Variants in COP1 observed in about 807,000 individuals in gnomAD.
The protein encoded by COP1 is E3 ubiquitin-protein ligase COP1.
Under a neutral mutation model 101.3 loss-of-function variants are expected in COP1, and 24 were observed. That is an observed-to-expected ratio of 0.24 (90% CI 0.17 to 0.33). The LOEUF (loss-of-function observed/expected upper bound fraction) is 0.33. Ranked by LOEUF, COP1 falls within the 10% of genes least tolerant of loss-of-function variation. The probability of loss-of-function intolerance (pLI) is 1.00; values close to 1 mark genes in which losing one functional copy is unlikely to be tolerated. For missense variants in COP1, 663 were observed against 906.2 expected, an observed-to-expected ratio of 0.73 and a Z score of 3.45; for synonymous variants, 347 against 341.9, an observed-to-expected ratio of 1.01 and a Z score of -0.17.
chr1:175,952,916 CAATA>C, intron 18 of COP1, among the ~76,000 whole-genome samples: 1 of 152,112 alleles, frequency 6.6e-6, no homozygotes, highest in African/African-American at 2.4e-5. Flanking sequence ...GACTCTGTCT[CAATA>C]AATAAATAAG....
At chr1:176,138,057 G>A (rs1690083903) in intron 6 of COP1, among the ~76,000 whole-genome samples, 1 of 152,060 alleles carries the variant, frequency 6.6e-6, no homozygotes, top group African/African-American at 2.4e-5. Flanking sequence ...AAGAGGACTA[G>A]ATAACTAAAA....
intron 10 of COP1, among the ~76,000 whole-genome samples, chr1:176,084,531 G>C (rs1679764787): frequency 6.6e-6 from 1 of 152,066 alleles, no homozygotes; most frequent in Admixed American, 6.6e-5. Context: ...CCAAAAAAGA[G>C]CCCACATTGC....
chr1:176,040,568 C>T (rs961782046), intron 14 of COP1, among the ~76,000 whole-genome samples: 2 of 152,100 alleles, frequency 1.3e-5, no homozygotes, highest in African/African-American at 4.8e-5. Flanking sequence ...CCTCAGCCTC[C>T]AAAATTGCTG....
chr1:176,059,385 T>C (rs1674442790), intron 11 of COP1, among the ~76,000 whole-genome samples: 2 of 152,240 alleles, frequency 1.3e-5, no homozygotes. Flanking sequence ...TATTTACAAA[T>C]TAAAATCATC....
At chr1:176,146,691 A>G (rs1691633568) in intron 6 of COP1, among the ~76,000 whole-genome samples, 1 of 152,202 alleles carries the variant, frequency 6.6e-6, no homozygotes, top group African/African-American at 2.4e-5. Flanking sequence ...CTTGGTAAGA[A>G]ACCCAGAGCC....
chr1:176,100,458 T>C (rs982337449), intron 9 of COP1: 5 of 151,714 alleles, frequency 3.3e-5, no homozygotes, highest in African/African-American at 1.2e-4. Context: ...ATATTTGTCA[T>C]TAAATTCTAC....
chr1:176,128,426 G>T (rs1688389661), intron 8 of COP1, among the ~76,000 whole-genome samples: 1 of 151,886 alleles, frequency 6.6e-6, no homozygotes, highest in African/African-American at 2.4e-5. Context: ...GATTCCTTAA[G>T]ATTCTTCAAT....
At chr1:176,128,352 T>C (rs898371103) in intron 8 of COP1, among the ~76,000 whole-genome samples, 1 of 152,034 alleles carries the variant, frequency 6.6e-6, no homozygotes, top group Admixed American at 6.6e-5. Context: ...GTATCCCCTA[T>C]ATTATTGCCA....
chr1:176,096,285 G>A (rs567898907), intron 9 of COP1, among the ~76,000 whole-genome samples: 96 of 152,188 alleles, frequency 6.3e-4, no homozygotes, highest in African/African-American at 2.3e-3. Flanking sequence ...TTTCAGGACA[G>A]TAACAGCACC....
chr1:175,982,512 C>A (rs1168481508), intron 18 of COP1: 6 of 362,014 alleles, frequency 1.7e-5, no homozygotes, highest in Admixed American at 1.0e-4. Context: ...AATATATTTT[C>A]TTTTATGATT....
chr1:175,986,828 T>C (rs1265771137), intron 18 of COP1, 115 bp downstream of exon 18: 1 of 781,128 alleles, frequency 1.3e-6, no homozygotes, highest in Non-Finnish European at 2.0e-6. Flanking sequence ...ATTACAAAGT[T>C]TTTTAAAAAG....
Position 176,206,941 on chromosome 1 carries a change from C to G in COP1, c.38G>C (p.Gly13Ala). The G allele has an allele frequency of 6.9e-7, 1 of 1,451,808 alleles. No homozygotes were observed. Among genetic ancestry groups the G allele is most frequent in the African/African-American group, 1.5e-5 (1 of 68,056 alleles). The allele number at this position is 1,451,808 out of a possible 1,614,324, so 89.9% of individuals were successfully genotyped here. A position where few individuals can be genotyped will look rare whatever the true frequency, so the allele number is the denominator to read the frequency against. ...GGCCGCCGAGGACCCGGGGCTTGTC[C>G]CAGCGGAGCCCGACCCGGCCTGGCG... ...GSRQAGSGSAGTSPGSSAASS... is the reference protein window; with the variant it reads ...GSRQAGSGSAATSPGSSAASS... The change falls in exon 1 of 20, where the codon GGG (glycine) becomes GCG (alanine). Residue 13 changes from glycine (G) to alanine (A), a missense_variant. By Grantham distance (60) the Gly-to-Ala change is moderately conservative. Coordinates refer to ENST00000367669, the MANE Select transcript of COP1 (RefSeq NM_022457.7).
intron 3 of COP1, among the ~76,000 whole-genome samples, chr1:176,165,829 G>T (rs972387287): frequency 6.6e-6 from 1 of 152,180 alleles, no homozygotes; most frequent in South Asian, 2.1e-4. Context: ...TGAAGGGCCT[G>T]AACTGCAGAT....
At chr1:176,036,910 A>G (rs2149130907) in intron 14 of COP1, among the ~76,000 whole-genome samples, 1 of 152,292 alleles carries the variant, frequency 6.6e-6, no homozygotes, top group South Asian at 2.1e-4. Context: ...ATGGACTTTG[A>G]TGCCCATAAA....
At chr1:176,030,369 T>C (rs1048888659) in intron 14 of COP1, among the ~76,000 whole-genome samples, 13 of 152,148 alleles carry the variant, frequency 8.5e-5, no homozygotes, top group African/African-American at 3.1e-4. Flanking sequence ...GGCCCAAAGG[T>C]AATTCACAAT....
chr1:176,197,394 C>T (rs1212876858), intron 1 of COP1, among the ~76,000 whole-genome samples: 7 of 152,082 alleles, frequency 4.6e-5, no homozygotes, highest in Admixed American at 2.6e-4. Flanking sequence ...CCAGCTTGGG[C>T]GAGACAGCAA....
chr1:176,190,172 A>T (rs1269558907), intron 1 of COP1, among the ~76,000 whole-genome samples: 5 of 152,074 alleles, frequency 3.3e-5, no homozygotes, highest in Non-Finnish European at 5.9e-5. Flanking sequence ...TCAGATTCGG[A>T]TCTGTCTGCA....
At chr1:176,028,705 A>ATATATATG (rs1553228714) in intron 14 of COP1, among the ~76,000 whole-genome samples, 1 of 121,276 alleles carries the variant, frequency 8.2e-6, no homozygotes, top group Non-Finnish European at 1.7e-5. Flanking sequence ...TCATATATAT[A>ATATATATG]TATATATATA....
Position 176,207,005 on chromosome 1 carries a change from G to C in COP1, c.-27C>G. 2 of 1,367,160 alleles carry C rather than the reference G, an allele frequency of 1.5e-6. No homozygotes were observed. The highest frequency in any genetic ancestry group is 3.0e-5 in the African/African-American group (2 of 65,778). The allele number at this position is 1,367,160 out of a possible 1,614,324, so 84.7% of individuals were successfully genotyped here. On this transcript the variant is annotated 5_prime_UTR_variant, in exon 1 of 20. Transcript: ENST00000367669. ...GTGACTCCCTCCCCTCCAGCCGGGC[G>C]CTCGGAGGAGAGGGACCGCGACCTC... is the stretch of plus-strand genomic sequence containing the variant.
Sources: allele counts gnomAD v4.1 joint callset (sites outside exome capture counted in the v4.1 genomes callset), GRCh38; gene constraint gnomAD v4.1.1; transcripts MANE v1.5; gene names NCBI Gene and HGNC (gene_info 2026-07-23, HGNC 2026-07-21).